ITGAV: variants seen among roughly 807,000 people sequenced by gnomAD.
ITGAV encodes the protein integrin alpha-V.
A neutral mutation model predicts 143.8 loss-of-function variants in ITGAV; 76 were observed. The ratio of observed to expected loss-of-function variants is 0.53; its 90% CI spans 0.44 to 0.64. ITGAV has a LOEUF of 0.64. Among genes scored for constraint, ITGAV ranks in the 30% least tolerant of loss-of-function variants. The pLI is 0.00. For missense variants in ITGAV, 1,193 were observed against 1,274.7 expected (o/e 0.94, Z 0.98); for synonymous variants, 453 against 446.7 (o/e 1.01, Z -0.18).
chr2:186,651,531 T>TTATG (rs1032254797), intron 14 of ITGAV, among the ~76,000 whole-genome samples: 8 of 152,186 alleles, frequency 5.3e-5, no homozygotes, highest in Non-Finnish European at 7.3e-5. Context: ...AAAAATCATA[T>TTATG]TATGTATGTA....
chr2:186,618,967 A>C (rs1687445564), intron 2 of ITGAV, among the ~76,000 whole-genome samples: 1 of 152,124 alleles, frequency 6.6e-6, no homozygotes, highest in Non-Finnish European at 1.5e-5. Flanking sequence ...ATTTATTGGA[A>C]CACTATTCAC....
chr2:186,590,985 C>A (rs1686600792), intron 1 of ITGAV, among the ~76,000 whole-genome samples: 1 of 152,160 alleles, frequency 6.6e-6, no homozygotes, highest in African/African-American at 2.4e-5. Flanking sequence ...AAGCCCTCCC[C>A]CACTCTTTCC....
chr2:186,628,329 GGTTA>G (rs1219138572), intron 4 of ITGAV, among the ~76,000 whole-genome samples: 1 of 151,836 alleles, frequency 6.6e-6, no homozygotes, highest in Non-Finnish European at 1.5e-5. Context: ...TGTTGTTGTT[GGTTA>G]GTTAGTTTGG....
At chr2:186,638,119 T>TGCTGGG (rs1369875705) in intron 8 of ITGAV, among the ~76,000 whole-genome samples, 158 bp from the exon 9 acceptor site, 1 of 152,160 alleles carries the variant, frequency 6.6e-6, no homozygotes, top group East Asian at 1.9e-4. Flanking sequence ...AGTTTAAAAA[T>TGCTGGG]GCTGGGCTAT....
chr2:186,619,653 A>G (rs78857744), intron 2 of ITGAV, among the ~76,000 whole-genome samples: 3,593 of 152,262 alleles, frequency 0.024, 152 homozygotes, highest in African/African-American at 0.082. Context: ...AAACATCCCT[A>G]TGTACCCCAT....
At chr2:186,602,242 T>TTA (rs1686931090) in intron 2 of ITGAV, 91 bp downstream of exon 2, 1 of 1,002,928 alleles carries the variant, frequency 1.0e-6, no homozygotes, top group African/African-American at 1.6e-5. Context: ...TTTAATACAA[T>TTA]TATATAGATA....
At position 186,646,694 on chromosome 2, in the gene ITGAV, A is replaced by C; in HGVS notation, c.1168A>C (p.Ile390Leu). The change falls in exon 13 of 30, where the codon ATT becomes CTT. Residue 390 changes from isoleucine (I) to leucine (L), a missense_variant. Transcript: ENST00000261023. Reference protein sequence around the residue: ...LDQDGFNDIAIAAPYGGEDKK... With the variant: ...LDQDGFNDIALAAPYGGEDKK... ...TCTTTTTTTCCCCACAGATATTGCA[A>C]TTGCTGCTCCATATGGGGGTGAAGA... 6.4e-7 allele frequency: 1 copy of C among 1,556,572 alleles called. No individual in the cohort carries two copies. Among genetic ancestry groups the C allele is most frequent in the African/African-American group, 1.4e-5 (1 of 73,364 alleles).
At chr2:186,617,366 TG>T (rs1213496987) in intron 2 of ITGAV, among the ~76,000 whole-genome samples, 2 of 152,238 alleles carry the variant, frequency 1.3e-5, no homozygotes. Flanking sequence ...ACAATGCCTT[TG>T]GAAACACCGG....
At chr2:186,671,217 G>A (rs1469313192) in intron 26 of ITGAV, among the ~76,000 whole-genome samples, 1 of 152,046 alleles carries the variant, frequency 6.6e-6, no homozygotes, top group Non-Finnish European at 1.5e-5. Context: ...TATAGGTCAG[G>A]TTGTGTCACT....
At position 186,652,046 on chromosome 2, in the gene ITGAV, A is replaced by T. The variant is rs142779223; in HGVS notation, c.1462A>T (p.Asn488Tyr). The change falls in exon 15 of 30, where the codon AAT becomes TAT. Residue 488 changes from asparagine (N) to tyrosine (Y), a missense_variant. By Grantham distance (143) the Asn-to-Tyr change is moderately radical (BLOSUM62 -2). Coordinates refer to ENST00000261023, the MANE Select transcript of ITGAV (RefSeq NM_002210.5). ...GTACCCTAGCATTTTAAATCAAGAC[A>T]ATAAAACCTGCTCACTGCCTGGAAC... ...EVYPSILNQDNKTCSLPGTAL... is the reference protein window; with the variant it reads ...EVYPSILNQDYKTCSLPGTAL... 4.3e-6 allele frequency: 7 copies of T among 1,613,474 alleles called. No individual in the cohort carries two copies. In the African/African-American group the frequency reaches 8.0e-5, roughly 18 times the overall value.
chr2:186,608,049 G>A (rs1687117632), intron 2 of ITGAV, among the ~76,000 whole-genome samples: 3 of 152,128 alleles, frequency 2.0e-5, no homozygotes, highest in Non-Finnish European at 2.9e-5. Flanking sequence ...TGACTCCTGC[G>A]TCTACCAGGT....
At chr2:186,641,301 G>C (rs946283228) in intron 11 of ITGAV, 85 bp from the exon 12 acceptor site, 1 of 1,039,618 alleles carries the variant, frequency 9.6e-7, no homozygotes, top group Admixed American at 1.9e-5. Context: ...GCAGAAAGAG[G>C]AAAAGTGAGT....
intron 2 of ITGAV, among the ~76,000 whole-genome samples, chr2:186,615,380 A>T (rs1331402642): frequency 6.6e-6 from 1 of 151,972 alleles, no homozygotes; most frequent in African/African-American, 2.4e-5. Flanking sequence ...AAACTGTCAA[A>T]CTATTTTCAA....
intron 1 of ITGAV, among the ~76,000 whole-genome samples, chr2:186,593,614 A>G (rs1686671745): frequency 6.6e-6 from 1 of 152,064 alleles, no homozygotes; most frequent in Non-Finnish European, 1.5e-5. Context: ...TATAATGATG[A>G]CATCTTATTT....
intron 21 of ITGAV, 76 bp from the exon 22 acceptor site, chr2:186,666,621 ATTATTTT>A: frequency 1.5e-6 from 1 of 667,970 alleles, no homozygotes; most frequent in Non-Finnish European, 2.4e-6. Context: ...ATTTTAGAAC[ATTATTTT>A]TTATTTAGAC....
intron 14 of ITGAV, among the ~76,000 whole-genome samples, chr2:186,651,036 G>A (rs1688413900): frequency 6.6e-6 from 1 of 152,164 alleles, no homozygotes; most frequent in Non-Finnish European, 1.5e-5. Flanking sequence ...AGAGCAATAT[G>A]TATGAATTTA....
At chr2:186,668,171 T>A (rs1205492547) in intron 24 of ITGAV, among the ~76,000 whole-genome samples, 1 of 108,598 alleles carries the variant, frequency 9.2e-6, no homozygotes, top group Non-Finnish European at 1.9e-5. Flanking sequence ...TTGCCTTTTG[T>A]TTATACATAC....
intron 2 of ITGAV, among the ~76,000 whole-genome samples, chr2:186,618,030 GA>G (rs897217040): frequency 6.6e-6 from 1 of 152,176 alleles, no homozygotes; most frequent in Non-Finnish European, 1.5e-5. Context: ...TGTGCCTCAG[GA>G]TAGCTGCCAG....
rs1413961156 is a variant in ITGAV, at chr2:186,667,753, C to T, written c.2410C>T (p.Pro804Ser). The T allele has an allele frequency of 1.1e-5, 18 of 1,609,918 alleles. No homozygotes were observed. The highest frequency in any genetic ancestry group is 1.5e-5 in the Non-Finnish European group (18 of 1,177,216). Residue 804 changes from proline to serine, a missense_variant, in exon 24 of 30, where the codon CCA becomes TCA. Physicochemically the swap from Pro to Ser is moderately conservative, Grantham distance 74. Transcript: ENST00000261023. ...ENPETEEDVG[P>S]VVQHIYELRN... ...CCCTGAGACTGAAGAAGATGTTGGG[C>T]CAGTTGTTCAGCACATCTATGAGGT...
Sources: gnomAD v4.1 joint callset for allele counts (sites outside exome capture counted in the v4.1 genomes callset) on GRCh38, gnomAD v4.1.1 for gene constraint, MANE v1.5 for transcripts, NCBI Gene and HGNC (gene_info 2026-07-23, HGNC 2026-07-21) for gene names.